The following PCBP3 variants were observed in gnomAD, a reference collection of about 807,000 sequenced individuals.
The protein encoded by PCBP3 is poly(rC) binding protein 3, also known as poly(rC)-binding protein 3.
In PCBP3, 25 loss-of-function variants were observed where a neutral mutation model predicts 52.7. The ratio of observed to expected loss-of-function variants is 0.47; its 90% CI spans 0.35 to 0.66. The LOEUF is 0.66. Ranked by LOEUF, PCBP3 falls within the 30% of genes least tolerant of loss-of-function variation. The pLI is 0.01. For missense variants in PCBP3, 391 were observed against 490.3 expected (o/e 0.80, Z 1.91); for synonymous variants, 162 against 183.0 (o/e 0.89, Z 0.93).
At chr21:45,899,876 G>A (rs558172188) in intron 7 of PCBP3, among the ~76,000 whole-genome samples, 1 of 152,312 alleles carries the variant, frequency 6.6e-6, no homozygotes, top group African/African-American at 2.4e-5. Context: ...CCTGCCCGTG[G>A]CCTTGGTGGC....
chr21:45,914,147 C>A, intron 12 of PCBP3, 122 bp downstream of exon 12: 1 of 1,529,972 alleles, frequency 6.5e-7, no homozygotes, highest in Non-Finnish European at 8.8e-7. Flanking sequence ...CCCACCCGTG[C>A]TGGAGGCAGA....
In PCBP3 at chr21:45,941,822, T is replaced by A; in HGVS notation, c.*116T>A. On this transcript the variant is annotated 3_prime_UTR_variant, in exon 18 of 18. Transcript: ENST00000681687. ...CACAGATACCAATAGAGAGGTTTTC[T>A]TAATTAACAAAAGGACGTATGCCAT... 2 of 778,472 alleles carry A rather than the reference T, an allele frequency of 2.6e-6. No homozygotes were observed. The highest frequency in any genetic ancestry group is 4.0e-6 in the Non-Finnish European group (2 of 499,792). The allele number at this position is 778,472 out of a possible 1,614,324, so 48.2% of individuals were successfully genotyped here. A position where few individuals can be genotyped will look rare whatever the true frequency, so the allele number is the denominator to read the frequency against.
chr21:45,910,767 G>A (rs766709079), intron 10 of PCBP3, 135 bp from the exon 11 acceptor site: 6 of 791,528 alleles, frequency 7.6e-6, no homozygotes, highest in Non-Finnish European at 9.7e-6. Context: ...TGGCGGTGGG[G>A]GAGGGGGCGC....
chr21:45,873,003 C>A (rs1032930223), intron 5 of PCBP3: 3 of 152,170 alleles, frequency 2.0e-5, no homozygotes, highest in African/African-American at 7.2e-5. Context: ...TCACAGCATG[C>A]GCCCACCATC....
At position 45,896,226 on chromosome 21, in the gene PCBP3, C is replaced by T. The variant is rs2095823068; in HGVS notation, c.29C>T (p.Pro10Leu). 1.9e-6 allele frequency: 3 copies of T among 1,551,864 alleles called. No homozygotes were observed. Among genetic ancestry groups the T allele is most frequent in the Non-Finnish European group, 2.6e-6 (3 of 1,147,102 alleles). Residue 10 changes from proline to leucine, a missense_variant, in exon 6 of 18, where the codon CCA (proline) becomes CTA (leucine). Coordinates refer to ENST00000681687, the MANE Select transcript of PCBP3 (RefSeq NM_001384156.1). ...TCTCCAGGTGACGCCTTCTGGGCCC[C>T]ATCTGTCCTTCCTCACAGCACCCTC... MGEGDAFWA[P>L]SVLPHSTLST...
At chr21:45,854,132 C>T (rs982112901) in intron 5 of PCBP3, 1 of 152,178 alleles carries the variant, frequency 6.6e-6, no homozygotes, top group African/African-American at 2.4e-5. Flanking sequence ...AGCTCAGTAA[C>T]CTGGGCCCTG....
intron 5 of PCBP3, among the ~76,000 whole-genome samples, chr21:45,891,829 C>T (rs1026555285): frequency 4.6e-5 from 7 of 152,328 alleles, no homozygotes; most frequent in South Asian, 2.1e-4. Context: ...TCCCCTGGCC[C>T]GGCCCCTTCT....
Position 45,800,064 on chromosome 21 carries a change from A to G in PCBP3, c.-126+44612A>G, listed in dbSNP as rs2092232436. Among the ~76,000 whole-genome samples the G allele has an allele frequency of 6.6e-6, 1 of 152,082 alleles. No individual in the cohort carries two copies. The highest frequency in any genetic ancestry group is 6.5e-5 in the Admixed American group (1 of 15,276). On this transcript the variant is annotated intron_variant, in intron 4 of 17. Coordinates refer to ENST00000681687, the MANE Select transcript of PCBP3 (RefSeq NM_001384156.1). The surrounding 1 kb of genome is among the most constrained non-coding windows in gnomAD (Gnocchi z 5.3). ...CTCTCACTGTGAGAACCACCCAGTG[A>G]TGGTTCTTGTGCTGTTCTCTCTTCA... is the stretch of plus-strand genomic sequence containing the variant.
chr21:45,923,440 G>T (rs1020340818), intron 13 of PCBP3, among the ~76,000 whole-genome samples: 9 of 152,206 alleles, frequency 5.9e-5, no homozygotes, highest in African/African-American at 2.2e-4. Flanking sequence ...CCTCACTGCT[G>T]GCTGGAGTTC....
At chr21:45,937,038 G>C (rs919199902) in intron 16 of PCBP3, among the ~76,000 whole-genome samples, 1 of 152,236 alleles carries the variant, frequency 6.6e-6, no homozygotes, top group Non-Finnish European at 1.5e-5. Flanking sequence ...TGTGGGGGAT[G>C]TATCTGGGCT....
chr21:45,769,828 G>C (rs2089705529), intron 4 of PCBP3, among the ~76,000 whole-genome samples: 1 of 152,250 alleles, frequency 6.6e-6, no homozygotes, highest in African/African-American at 2.4e-5. Context: ...AATGTGACGT[G>C]ACATATTTCA....
intron 5 of PCBP3, among the ~76,000 whole-genome samples, chr21:45,888,830 AAC>A (rs2095584632): frequency 6.6e-6 from 1 of 152,170 alleles, no homozygotes; most frequent in South Asian, 2.1e-4. Flanking sequence ...TTCCACCTTA[AAC>A]ACACGTGGAC....
At chr21:45,742,844 T>C (rs2086553917) in intron 3 of PCBP3, among the ~76,000 whole-genome samples, 1 of 152,238 alleles carries the variant, frequency 6.6e-6, no homozygotes, top group Non-Finnish European at 1.5e-5. Context: ...TTTCACGATA[T>C]ATTTCCATAT....
chr21:45,768,909 G>A (rs1270466012), intron 4 of PCBP3, among the ~76,000 whole-genome samples: 1 of 152,236 alleles, frequency 6.6e-6, no homozygotes, highest in African/African-American at 2.4e-5. Context: ...GTCTGACTCG[G>A]GGATGCCAGA....
intron 5 of PCBP3, chr21:45,873,172 GCCTCTA>G (rs903226486): frequency 2.6e-4 from 39 of 152,442 alleles, no homozygotes; most frequent in African/African-American, 9.2e-4. Context: ...ACTTTCTCCT[GCCTCTA>G]CCTCCTGGCT....
chr21:45,939,520 T>C (rs1463192080), intron 16 of PCBP3, among the ~76,000 whole-genome samples: 1 of 152,202 alleles, frequency 6.6e-6, no homozygotes, highest in African/African-American at 2.4e-5. Context: ...AAAAGCTAAG[T>C]TTTAGGCAGC....
At position 45,683,750 on chromosome 21, in the gene PCBP3, C is replaced by T. The variant is rs541664798; in HGVS notation, c.-200+14798C>T. Among the ~76,000 whole-genome samples, 151 of 152,020 alleles carry T rather than the reference C, an allele frequency of 9.9e-4. 6 individuals carry two copies. In the South Asian group the frequency reaches 0.025, roughly 25 times the overall value. On this transcript the variant is annotated intron_variant, in intron 2 of 17. Coordinates refer to ENST00000681687, the MANE Select transcript of PCBP3 (RefSeq NM_001384156.1). ...GACCATCCTGGCTAACACGATGAAA[C>T]CCGGTCTCTACTAAAAATACAAAAA...
intron 1 of PCBP3, among the ~76,000 whole-genome samples, chr21:45,645,189 A>G (rs2079173906): frequency 6.6e-6 from 1 of 152,188 alleles, no homozygotes; most frequent in Admixed American, 6.5e-5. Context: ...GGGGCCTTAA[A>G]ACTAACAAGT....
rs2094112472 is a variant in PCBP3 at position 45,853,035 on chromosome 21, G to T, written c.10+2940G>T. ...TGTACACTTCCCACAGCTGAGACCA[G>T]CAGGAGCGGGCAGTGGACTCGCACC... is the stretch of plus-strand genomic sequence containing the variant. On this transcript the variant is annotated intron_variant, in intron 5 of 17. Transcript: ENST00000681687. The surrounding 1 kb of genome is among the most constrained non-coding windows in gnomAD (Gnocchi z 4.6). Among the ~76,000 whole-genome samples, 1 of 152,212 alleles carries T rather than the reference G, an allele frequency of 6.6e-6. No homozygotes were observed. The highest frequency in any genetic ancestry group is 6.5e-5 in the Admixed American group (1 of 15,286).
Sources: gnomAD v4.1 joint callset for allele counts (sites outside exome capture counted in the v4.1 genomes callset) on GRCh38, gnomAD v4.1.1 for gene constraint, Gnocchi (gnomAD v3.1) non-coding constraint, MANE v1.5 for transcripts, NCBI Gene and HGNC (gene_info 2026-07-23, HGNC 2026-07-21) for gene names.